SNTB2: variants seen among roughly 807,000 people sequenced by gnomAD.
The protein encoded by SNTB2 is beta-2-syntrophin.
A neutral mutation model predicts 46.2 loss-of-function variants in SNTB2; 34 were observed. That is an observed-to-expected ratio of 0.74 (90% CI 0.56 to 0.98). SNTB2 has a LOEUF of 0.98. SNTB2 is among the 50% of genes least tolerant of loss of function. The probability of loss-of-function intolerance (pLI) is 0.00; values close to 1 mark genes in which losing one functional copy is unlikely to be tolerated. For missense variants in SNTB2, 603 were observed against 731.4 expected, an observed-to-expected ratio of 0.82 and a Z score of 2.02; for synonymous variants, 290 against 312.6, an observed-to-expected ratio of 0.93 and a Z score of 0.76.
At chr16:69,228,078 A>C (rs1358954360) in intron 1 of SNTB2, among the ~76,000 whole-genome samples, 1 of 152,050 alleles carries the variant, frequency 6.6e-6, no homozygotes, top group Non-Finnish European at 1.5e-5. Flanking sequence ...TATAGTACAT[A>C]ATAAGCTCAC....
At position 69,202,031 on chromosome 16, in the gene SNTB2, C is replaced by T. The variant is rs1208053236; in HGVS notation, c.580+14285C>T. 2.6e-5 allele frequency among the ~76,000 whole-genome samples: 4 copies of T among 152,284 alleles called. No homozygotes were observed. The South Asian group carries it at 8.3e-4, about 32-fold the overall frequency. Reference sequence around the variant, plus strand: ...ACACCTGATGTTTAGCTCATCTGCACCTATAATTTCAGCCATTACCTGAGT... The same window carrying T: ...ACACCTGATGTTTAGCTCATCTGCATCTATAATTTCAGCCATTACCTGAGT... On this transcript the variant is annotated intron_variant, in intron 1 of 6. Coordinates refer to ENST00000336278, the MANE Select transcript of SNTB2 (RefSeq NM_006750.4).
chr16:69,305,689 T>C lies in SNTB2; in HGVS notation c.*4765T>C, dbSNP rs575705170. On this transcript the variant is annotated 3_prime_UTR_variant, in exon 7 of 7. Coordinates refer to ENST00000336278, the MANE Select transcript of SNTB2 (RefSeq NM_006750.4). ...TATCTCTGTCAGGTATGACATTAAT[T>C]ACCAGGTGGTATTATACTCTACTTT... The C allele has an allele frequency of 2.0e-5, 3 of 152,338 alleles. No individual in the cohort carries two copies. In the East Asian group the frequency reaches 5.8e-4, roughly 29 times the overall value. 9.4% of individuals were successfully genotyped at this position (152,338 alleles called of 1,614,324 possible). A position where few individuals can be genotyped will look rare whatever the true frequency, so the allele number is the denominator to read the frequency against.
chr16:69,240,853 G>C (rs371128434), intron 1 of SNTB2: 1 of 149,654 alleles, frequency 6.7e-6, no homozygotes, highest in Non-Finnish European at 1.5e-5. Flanking sequence ...GTTTCGTTTC[G>C]TTTTGTTTAT....
chr16:69,222,017 C>T (rs1359340083), intron 1 of SNTB2, among the ~76,000 whole-genome samples: 8 of 152,170 alleles, frequency 5.3e-5, no homozygotes, highest in Admixed American at 4.6e-4. Flanking sequence ...GACATTTAAA[C>T]TCAAATGTTT....
intron 5 of SNTB2, among the ~76,000 whole-genome samples, chr16:69,297,795 T>A (rs1965242283): frequency 6.6e-6 from 1 of 151,740 alleles, no homozygotes; most frequent in South Asian, 2.1e-4. Context: ...ACATCTGTAA[T>A]CCCAGCTACT....
intron 1 of SNTB2, among the ~76,000 whole-genome samples, chr16:69,201,058 C>G (rs1964156411): frequency 6.6e-6 from 1 of 152,188 alleles, no homozygotes; most frequent in African/African-American, 2.4e-5. Context: ...AATTACTCCT[C>G]ATCACACTTT....
chr16:69,253,432 G>A (rs1567407744), intron 2 of SNTB2, among the ~76,000 whole-genome samples: 1 of 151,600 alleles, frequency 6.6e-6, no homozygotes, highest in Non-Finnish European at 1.5e-5. Flanking sequence ...GGTGGATCAC[G>A]AGGTCAGGAG....
Position 69,187,549 on chromosome 16 carries a change from T to G in SNTB2, c.383T>G (p.Ile128Ser). 1 of 1,450,338 alleles carries G rather than the reference T, an allele frequency of 6.9e-7. No individual in the cohort carries two copies. 89.8% of individuals were successfully genotyped at this position (1,450,338 alleles called of 1,614,324 possible). ...VVKQEAGGLGISIKGGRENRM... is the reference protein window; with the variant it reads ...VVKQEAGGLGSSIKGGRENRM... ...AAGCAAGAGGCGGGCGGCCTGGGCA[T>G]CAGCATCAAGGGCGGCCGCGAGAAC... The change falls in exon 1 of 7, where the codon ATC (isoleucine) becomes AGC (serine). Residue 128 changes from isoleucine to serine, a missense_variant. Coordinates refer to ENST00000336278, the MANE Select transcript of SNTB2 (RefSeq NM_006750.4).
At chr16:69,225,437 G>A (rs1471230463) in intron 1 of SNTB2, among the ~76,000 whole-genome samples, 3 of 152,138 alleles carry the variant, frequency 2.0e-5, no homozygotes, top group South Asian at 4.1e-4. Context: ...TGGTTTTTTT[G>A]TTGTTGTCTA....
At chr16:69,265,799 C>G (rs772059043) in intron 3 of SNTB2, among the ~76,000 whole-genome samples, 1 of 149,962 alleles carries the variant, frequency 6.7e-6, no homozygotes, top group South Asian at 2.1e-4. Context: ...TGCACTCCAG[C>G]CTAGGTGACA....
chr16:69,195,912 G>C (rs929808710), intron 1 of SNTB2, among the ~76,000 whole-genome samples: 9 of 152,114 alleles, frequency 5.9e-5, no homozygotes, highest in African/African-American at 1.9e-4. Context: ...TGGTTGCTAG[G>C]TTAACTTATG....
chr16:69,246,078 A>T (rs893474532), intron 2 of SNTB2, among the ~76,000 whole-genome samples: 2 of 152,130 alleles, frequency 1.3e-5, no homozygotes, highest in African/African-American at 4.8e-5. Context: ...TGAAAGAAAG[A>T]GGGGGCATCT....
At position 69,300,855 on chromosome 16, in the gene SNTB2, G is replaced by A. The variant is rs772848957; in HGVS notation, c.1554G>A (p.Pro518=). The A allele has an allele frequency of 2.5e-6, 4 of 1,613,818 alleles. No individual in the cohort carries two copies. The highest frequency in any genetic ancestry group is 3.4e-6 in the Non-Finnish European group (4 of 1,179,774). The part of the protein sequence containing the change: ...GELTMDLHSC[P]KPIVFVLHTF... ...AGACCATGGACCTGCACTCTTGTCC[G>A]AAGCCGATTGTATTTGTGTTGCACA... Residue 518 remains proline, a synonymous_variant, in exon 7 of 7, where the codon CCG becomes CCA. Transcript: ENST00000336278.
At chr16:69,214,786 C>T (rs1359074890) in intron 1 of SNTB2, among the ~76,000 whole-genome samples, 2 of 151,872 alleles carry the variant, frequency 1.3e-5, no homozygotes, top group African/African-American at 4.8e-5. Flanking sequence ...CTCAGCCTCC[C>T]ACAGTGCTGG....
In SNTB2 at chr16:69,217,290, A is replaced by G. The variant is rs961641499; in HGVS notation, c.581-28312A>G. On this transcript the variant is annotated intron_variant, in intron 1 of 6. Transcript: ENST00000336278. Reference sequence around the variant, plus strand: ...GGAGTTCGTGACCAGCCTGGGCAACATGGTGAAACCCTGTCTCTACAAAAA... The same window carrying G: ...GGAGTTCGTGACCAGCCTGGGCAACGTGGTGAAACCCTGTCTCTACAAAAA... Among the ~76,000 whole-genome samples the G allele has an allele frequency of 7.9e-5, 12 of 152,242 alleles. No individual in the cohort carries two copies. The East Asian group carries it at 1.4e-3, about 17-fold the overall frequency.
chr16:69,266,374 CA>C (rs1332247947), intron 3 of SNTB2, among the ~76,000 whole-genome samples: 3 of 142,636 alleles, frequency 2.1e-5, no homozygotes, highest in African/African-American at 7.4e-5. Context: ...AAAAACAAAA[CA>C]AAACAAAACA....
In SNTB2 at chr16:69,270,141, A is replaced by T; in HGVS notation, c.1006-2A>T. ...GATTTCTGAATTTTTCCATTGTAACAGGCAAAACTAGATGGTGGAAGACAG... is the reference window on the plus strand; with the variant it reads ...GATTTCTGAATTTTTCCATTGTAACTGGCAAAACTAGATGGTGGAAGACAG... On this transcript the variant is annotated splice_acceptor_variant, in intron 3 of 6. Transcript: ENST00000336278. LOFTEE classifies it high-confidence loss of function. 1.2e-6 allele frequency: 2 copies of T among 1,613,838 alleles called. No homozygotes were observed. The highest frequency in any genetic ancestry group is 1.7e-6 in the Non-Finnish European group (2 of 1,179,846).
At chr16:69,235,859 C>T in intron 1 of SNTB2, 3 of 1,288,574 alleles carry the variant, frequency 2.3e-6, no homozygotes, top group Non-Finnish European at 3.0e-6. Flanking sequence ...TTAGCTACCA[C>T]TTCTACAACT....
intron 1 of SNTB2, among the ~76,000 whole-genome samples, chr16:69,188,713 A>G (rs1350675354): frequency 6.6e-6 from 1 of 152,206 alleles, no homozygotes; most frequent in East Asian, 1.9e-4. Context: ...GCTGTGTTGA[A>G]AAGAATATAA....
Sources: gnomAD v4.1 joint callset for allele counts (sites outside exome capture counted in the v4.1 genomes callset) on GRCh38, gnomAD v4.1.1 for gene constraint, MANE v1.5 for transcripts, NCBI Gene and HGNC (gene_info 2026-07-23, HGNC 2026-07-21) for gene names.